The following GCNT2 variants were observed in gnomAD, a reference collection of about 807,000 sequenced individuals.
GCNT2 encodes glucosaminyl (N-acetyl) transferase 2 (I blood group), also known as N-acetyllactosaminide beta-1,6-N-acetylglucosaminyl-transferase.
In GCNT2, 34 loss-of-function variants were observed where a neutral mutation model predicts 34.2. The observed-to-expected ratio is 1.00, with a 90% CI of 0.76 to 1.32. The LOEUF (loss-of-function observed/expected upper bound fraction) is 1.32, where lower values mean the gene tolerates loss of function less well. GCNT2 is among the 40% of genes most tolerant of loss of function. GCNT2 has a pLI of 0.00. For synonymous variants in GCNT2, 212 were observed against 188.0 expected (o/e 1.13, Z -1.04); for missense variants, 584 against 489.4 (o/e 1.19, Z -1.82).
At chr6:10,539,943 A>G (rs1355885002) in intron 3 of GCNT2, among the ~76,000 whole-genome samples, 1 of 152,070 alleles carries the variant, frequency 6.6e-6, no homozygotes, top group Non-Finnish European at 1.5e-5. Context: ...CCGGGCTTGG[A>G]GGCGCGTGCC....
intron 3 of GCNT2, among the ~76,000 whole-genome samples, chr6:10,569,385 G>C (rs146809688): frequency 6.6e-6 from 1 of 152,094 alleles, no homozygotes; most frequent in Non-Finnish European, 1.5e-5. Flanking sequence ...TGCAGTGTGT[G>C]ATCTTGGCTC....
chr6:10,523,466 A>G (rs1283289403), intron 1 of GCNT2, among the ~76,000 whole-genome samples: 1 of 151,036 alleles, frequency 6.6e-6, no homozygotes, highest in East Asian at 1.9e-4. Context: ...TTTCTCTTAT[A>G]GTTTCCTATT....
At chr6:10,552,506 T>C (rs976564997) in intron 3 of GCNT2, among the ~76,000 whole-genome samples, 1 of 152,098 alleles carries the variant, frequency 6.6e-6, no homozygotes, top group African/African-American at 2.4e-5. Flanking sequence ...TTTTTTTTCT[T>C]GGCATTATTC....
intron 2 of GCNT2, among the ~76,000 whole-genome samples, chr6:10,528,078 TTTG>T (rs1242319517): frequency 6.6e-6 from 1 of 152,162 alleles, no homozygotes; most frequent in African/African-American, 2.4e-5. Context: ...TATTGGTCGT[TTTG>T]TTGTTTTAAA....
chr6:10,612,313 A>G (rs1039207702), intron 3 of GCNT2, among the ~76,000 whole-genome samples: 6 of 152,012 alleles, frequency 3.9e-5, no homozygotes, highest in Admixed American at 1.3e-4. Context: ...CTTTAGATCA[A>G]TCATTCTTAA....
At chr6:10,563,756 G>GAAAAAAA (rs55761102) in intron 3 of GCNT2, among the ~76,000 whole-genome samples, 1 of 55,792 alleles carries the variant, frequency 1.8e-5, no homozygotes, top group African/African-American at 5.4e-5. Flanking sequence ...AAAGAAAAAA[G>GAAAAAAA]AAAAAAAAAA....
At chr6:10,585,593 C>A (rs1581446940) in intron 3 of GCNT2, among the ~76,000 whole-genome samples, 1 of 152,098 alleles carries the variant, frequency 6.6e-6, no homozygotes, top group African/African-American at 2.4e-5. Flanking sequence ...AAGGGAAAGG[C>A]GGTGAGGGTG....
intron 3 of GCNT2, among the ~76,000 whole-genome samples, chr6:10,617,747 C>CTTTTTTTTTTT (rs1407402607): frequency 2.1e-4 from 24 of 114,266 alleles, no homozygotes; most frequent in African/African-American, 7.6e-4. Flanking sequence ...GTCTGCATTT[C>CTTTTTTTTTTT]TTCTTTTTTT....
intron 3 of GCNT2, chr6:10,581,977 CACACTTATATGTATAT>C: frequency 3.1e-6 from 1 of 317,716 alleles, no homozygotes; most frequent in Non-Finnish European, 4.5e-6. Context: ...TATATATACA[CACACTTATATGTATAT>C]ATAAATATAT....
At chr6:10,622,171 T>C (rs7769741) in intron 4 of GCNT2, among the ~76,000 whole-genome samples, 14,429 of 152,240 alleles carry the variant, frequency 0.095, 1,091 homozygotes, top group African/African-American at 0.21. Context: ...TCATTTCCAT[T>C]TCTATAGAAT....
intron 3 of GCNT2, among the ~76,000 whole-genome samples, chr6:10,617,743 A>ATTTTTT (rs1254996839): frequency 9.0e-4 from 102 of 112,746 alleles, no homozygotes; most frequent in Admixed American, 1.5e-3. Context: ...CAGAGTCTGC[A>ATTTTTT]TTTCTTCTTT....
At chr6:10,582,182 T>A (rs1764107569) in intron 3 of GCNT2, among the ~76,000 whole-genome samples, 1 of 129,508 alleles carries the variant, frequency 7.7e-6, no homozygotes, top group African/African-American at 3.0e-5. Context: ...TTATATAAAA[T>A]ATATTTTTAT....
At position 10,534,509 on chromosome 6, in the gene GCNT2, T is replaced by A. The variant is rs571153434; in HGVS notation, c.925+4673T>A. ...CCCCAGAGAGTCCTGCCTTGGGTCATGCAGCCATTGTATTAAACAATGAGG... is the reference window on the plus strand; with the variant it reads ...CCCCAGAGAGTCCTGCCTTGGGTCAAGCAGCCATTGTATTAAACAATGAGG... On this transcript the variant is annotated intron_variant, in intron 3 of 4. Transcript: ENST00000495262. Among the ~76,000 whole-genome samples, 4 of 152,202 alleles carry A rather than the reference T, an allele frequency of 2.6e-5. No individual in the cohort carries two copies. The South Asian group carries it at 8.3e-4, about 32-fold the overall frequency.
In GCNT2 at chr6:10,566,089, C is replaced by T. The variant is rs145159357; in HGVS notation, c.925+36253C>T. On this transcript the variant is annotated intron_variant, in intron 3 of 4. Transcript: ENST00000495262. The stretch of plus-strand genomic sequence containing the variant: ...GATAACTTGCGGATCCCTGTTCTGC[C>T]ACTCCCAGCCTTCCTGCCCTGACGC... Among the ~76,000 whole-genome samples, 11 of 152,258 alleles carry T rather than the reference C, an allele frequency of 7.2e-5. No individual in the cohort carries two copies. The East Asian group carries it at 2.1e-3, about 29-fold the overall frequency.
intron 3 of GCNT2, among the ~76,000 whole-genome samples, chr6:10,542,056 G>A (rs759655476): frequency 9.2e-5 from 14 of 152,282 alleles, no homozygotes; most frequent in Middle Eastern, 3.4e-3. Flanking sequence ...TACGTTGCTA[G>A]TATGAAACCA....
intron 3 of GCNT2, among the ~76,000 whole-genome samples, chr6:10,579,209 A>G (rs957776881): frequency 1.3e-5 from 2 of 152,222 alleles, no homozygotes; most frequent in South Asian, 4.1e-4. Flanking sequence ...CAAGAGGAAT[A>G]TTAACCTCTA....
rs1766283065 is a variant in GCNT2, at chr6:10,626,919, C to T, written c.*312C>T. 1 of 334,910 alleles carries T rather than the reference C, an allele frequency of 3.0e-6. No individual in the cohort carries two copies. The highest frequency in any genetic ancestry group is 2.1e-5 in the African/African-American group (1 of 47,956). 20.7% of individuals were successfully genotyped at this position (334,910 alleles called of 1,614,324 possible). A position where few individuals can be genotyped will look rare whatever the true frequency, so the allele number is the denominator to read the frequency against. ...ACCTCAGATCTTTGCACCAGATACT[C>T]ATCATATACAAATGTTTTAGTAAAA... On this transcript the variant is annotated 3_prime_UTR_variant, in exon 5 of 5. Coordinates refer to ENST00000495262, the MANE Select transcript of GCNT2 (RefSeq NM_145649.5).
chr6:10,579,746 G>T (rs796071106), intron 3 of GCNT2, among the ~76,000 whole-genome samples: 1 of 151,330 alleles, frequency 6.6e-6, no homozygotes, highest in African/African-American at 2.4e-5. Context: ...AACCCGGAAG[G>T]CGGAGGTTGC....
At chr6:10,566,523 G>A (rs1561805049) in intron 3 of GCNT2, among the ~76,000 whole-genome samples, 1 of 152,114 alleles carries the variant, frequency 6.6e-6, no homozygotes, top group Admixed American at 6.5e-5. Context: ...TGAACTCCTG[G>A]CCTCAAGTGA....
Sources: allele counts gnomAD v4.1 joint callset (sites outside exome capture counted in the v4.1 genomes callset), GRCh38; gene constraint gnomAD v4.1.1; transcripts MANE v1.5; gene names NCBI Gene and HGNC (gene_info 2026-07-23, HGNC 2026-07-21).